Variants in CNTN6 observed in about 807,000 individuals in gnomAD.
The protein encoded by CNTN6 is contactin 6.
In CNTN6, 137 loss-of-function variants were observed where a neutral mutation model predicts 122.8. The ratio of observed to expected loss-of-function variants is 1.12; its 90% CI spans 0.97 to 1.29. The LOEUF is 1.29. Among genes scored for constraint, CNTN6 ranks in the 50% most tolerant of loss-of-function variants. The pLI, the probability that CNTN6 is intolerant of heterozygous loss-of-function variation, is 0.00. For missense variants in CNTN6, 1,634 were observed against 1,223.4 expected (o/e 1.34, Z -5.01); for synonymous variants, 570 against 426.0 (o/e 1.34, Z -4.16).
rs143433477 is a variant in CNTN6 at position 1,161,396 on chromosome 3, C to T, written c.55+13333C>T. ...CTAGAGACATAAATATTCAATAAAA[C>T]TTAGCAAAAGCCTTCTATGAAAATC... On this transcript the variant is annotated intron_variant, in intron 2 of 22. Transcript: ENST00000446702. 3.2e-3 allele frequency among the ~76,000 whole-genome samples: 485 copies of T among 151,008 alleles called. 2 individuals carry two copies. Among genetic ancestry groups the T allele is most frequent in the African/African-American group, 0.01 (433 of 41,350 alleles).
At chr3:1,275,898 G>C (rs891798264) in intron 4 of CNTN6, among the ~76,000 whole-genome samples, 2 of 152,178 alleles carry the variant, frequency 1.3e-5, no homozygotes, top group Non-Finnish European at 2.9e-5. Context: ...CTCCTGCTGC[G>C]TGGTTTTGGG....
intron 11 of CNTN6, among the ~76,000 whole-genome samples, chr3:1,344,874 A>C (rs1029876071): frequency 3.3e-5 from 5 of 152,118 alleles, no homozygotes; most frequent in African/African-American, 1.2e-4. Context: ...AGTGTGATCT[A>C]CGTTACTTGG....
intron 2 of CNTN6, among the ~76,000 whole-genome samples, chr3:1,179,101 A>G (rs928266664): frequency 6.6e-6 from 1 of 152,138 alleles, no homozygotes; most frequent in Non-Finnish European, 1.5e-5. Flanking sequence ...GGAGCATCAC[A>G]TGGCAAAAGA....
chr3:1,241,279 G>A (rs1358093709), intron 4 of CNTN6, among the ~76,000 whole-genome samples: 3 of 148,690 alleles, frequency 2.0e-5, no homozygotes, highest in Non-Finnish European at 4.5e-5. Context: ...AAACAAAATA[G>A]TGTTGAAGTG....
intron 20 of CNTN6, among the ~76,000 whole-genome samples, chr3:1,387,501 C>G (rs1576020380): frequency 6.6e-6 from 1 of 152,058 alleles, no homozygotes; most frequent in East Asian, 1.9e-4. Context: ...TTTCAGATTA[C>G]CTAGACATTT....
intron 20 of CNTN6, among the ~76,000 whole-genome samples, chr3:1,400,324 C>T (rs914925373): frequency 2.6e-5 from 4 of 151,992 alleles, no homozygotes; most frequent in South Asian, 2.1e-4. Context: ...AGACTGAAAG[C>T]GCTAGACCAA....
At chr3:1,366,282 A>G (rs754415285) in intron 12 of CNTN6, among the ~76,000 whole-genome samples, 7 of 152,166 alleles carry the variant, frequency 4.6e-5, no homozygotes, top group African/African-American at 4.8e-5. Flanking sequence ...AAGAATCTCA[A>G]ATTTTTACAA....
At chr3:1,403,175 T>C in intron 22 of CNTN6, 143 bp from the exon 23 acceptor site, 1 of 557,162 alleles carries the variant, frequency 1.8e-6, no homozygotes, top group Non-Finnish European at 3.1e-6. Flanking sequence ...CTTTCTAAAA[T>C]TAAATATAAT....
At chr3:1,397,930 A>C (rs1695183452) in intron 20 of CNTN6, among the ~76,000 whole-genome samples, 1 of 152,168 alleles carries the variant, frequency 6.6e-6, no homozygotes, top group Non-Finnish European at 1.5e-5. Context: ...TGTGAACTAC[A>C]GTTGAAAAGA....
In CNTN6 at chr3:1,233,714, A is replaced by G. The variant is rs953069369; in HGVS notation, c.358+5721A>G. On this transcript the variant is annotated intron_variant, in intron 4 of 22. Transcript: ENST00000446702. Reference sequence around the variant, plus strand: ...CGTGCCAGTACACTCCAGTCTGGGCAACAGAACGAGACTCTGTCTCAAAAA... The same window carrying G: ...CGTGCCAGTACACTCCAGTCTGGGCGACAGAACGAGACTCTGTCTCAAAAA... Among the ~76,000 whole-genome samples, 32 of 145,978 alleles carry G rather than the reference A, an allele frequency of 2.2e-4. 1 individual carries two copies. The highest frequency in any genetic ancestry group is 7.5e-4 in the African/African-American group (29 of 38,766).
intron 19 of CNTN6, among the ~76,000 whole-genome samples, chr3:1,384,739 A>G (rs1037912464): frequency 9.1e-6 from 1 of 110,388 alleles, no homozygotes; most frequent in African/African-American, 4.1e-5. Flanking sequence ...ACATATATAT[A>G]CATATATACA....
chr3:1,158,879 C>CAT (rs1210973817), intron 2 of CNTN6, among the ~76,000 whole-genome samples: 12,040 of 78,480 alleles, frequency 0.15, 733 homozygotes, highest in Middle Eastern at 0.21. Flanking sequence ...TATATATACA[C>CAT]ATATATACAC....
chr3:1,376,544 T>G (rs1709894345), intron 16 of CNTN6, among the ~76,000 whole-genome samples: 1 of 152,148 alleles, frequency 6.6e-6, no homozygotes, highest in African/African-American at 2.4e-5. Flanking sequence ...ATTTACATAT[T>G]TTTCAGTATT....
rs148166482 is a variant in CNTN6, at chr3:1,386,023, G to A, written c.2704+226G>A. Among the ~76,000 whole-genome samples, 822 of 152,218 alleles carry A rather than the reference G, an allele frequency of 5.4e-3. 4 individuals are homozygous for A. The highest frequency in any genetic ancestry group is 8.1e-3 in the South Asian group (39 of 4,818). On this transcript the variant is annotated intron_variant, in intron 20 of 22. Coordinates refer to ENST00000446702, the MANE Select transcript of CNTN6 (RefSeq NM_001289080.2). Reference sequence around the variant, plus strand: ...AAAAGAGGAATATTCCAAGTATATCGATGAAAGACAGAAGAGCATAATGTT... The same window carrying A: ...AAAAGAGGAATATTCCAAGTATATCAATGAAAGACAGAAGAGCATAATGTT...
At chr3:1,250,259 C>G (rs1402265482) in intron 4 of CNTN6, among the ~76,000 whole-genome samples, 1 of 152,200 alleles carries the variant, frequency 6.6e-6, no homozygotes, top group Non-Finnish European at 1.5e-5. Flanking sequence ...AGAAATCAGG[C>G]TTCAAACACA....
intron 12 of CNTN6, among the ~76,000 whole-genome samples, chr3:1,359,479 T>C (rs1438364567): frequency 6.6e-6 from 1 of 152,074 alleles, no homozygotes; most frequent in East Asian, 1.9e-4. Context: ...TCTTTTAATA[T>C]TTATTCCAAA....
chr3:1,273,744 T>C (rs750283246), intron 4 of CNTN6, among the ~76,000 whole-genome samples: 8 of 152,240 alleles, frequency 5.3e-5, no homozygotes, highest in Non-Finnish European at 1.0e-4. Context: ...TTGAGAGGCG[T>C]TGATTTCCTT....
chr3:1,198,115 A>G (rs749162919), intron 2 of CNTN6, among the ~76,000 whole-genome samples: 4 of 152,190 alleles, frequency 2.6e-5, no homozygotes, highest in Admixed American at 6.5e-5. Flanking sequence ...ACTTCATTCT[A>G]TGAAGCACTT....
chr3:1,385,920 T>A (rs1576008152), intron 20 of CNTN6, 123 bp downstream of exon 20: 2 of 937,360 alleles, frequency 2.1e-6, no homozygotes, highest in East Asian at 5.4e-5. Context: ...GGTTAGTTGG[T>A]TTGTCCCTTA....
Sources: allele counts gnomAD v4.1 joint callset (sites outside exome capture counted in the v4.1 genomes callset), GRCh38; gene constraint gnomAD v4.1.1; transcripts MANE v1.5; gene names NCBI Gene and HGNC (gene_info 2026-07-23, HGNC 2026-07-21).